UNC13B: variants seen among roughly 807,000 people sequenced by gnomAD.
UNC13B encodes protein unc-13 homolog B.
Under a neutral mutation model 211.0 loss-of-function variants are expected in UNC13B, and 144 were observed. The ratio of observed to expected loss-of-function variants is 0.68; its 90% confidence interval spans 0.60 to 0.78. The LOEUF (loss-of-function observed/expected upper bound fraction) is 0.78. UNC13B is among the 30% of genes least tolerant of loss of function. The probability of loss-of-function intolerance (pLI) is 0.00; values close to 1 mark genes in which losing one functional copy is unlikely to be tolerated. For synonymous variants in UNC13B, 709 were observed against 725.8 expected, an observed-to-expected ratio of 0.98 and a Z score of 0.37; for missense variants, 1,777 against 2,002.0, an observed-to-expected ratio of 0.89 and a Z score of 2.14.
chr9:35,185,993 TC>T (rs1002446447), intron 1 of UNC13B, among the ~76,000 whole-genome samples: 1 of 149,430 alleles, frequency 6.7e-6, no homozygotes, highest in African/African-American at 2.5e-5. Flanking sequence ...TGAATGGACC[TC>T]CCCCCTTGGC....
chr9:35,254,929 ATAATATATAT>A (rs1826739995), intron 6 of UNC13B, among the ~76,000 whole-genome samples: 1 of 124,052 alleles, frequency 8.1e-6, no homozygotes, highest in South Asian at 2.2e-4. Flanking sequence ...CATATATAAT[ATAATATATAT>A]TAATATATGT....
intron 11 of UNC13B, among the ~76,000 whole-genome samples, chr9:35,337,848 G>A (rs901636252): frequency 6.6e-6 from 1 of 152,186 alleles, no homozygotes; most frequent in South Asian, 2.1e-4. Context: ...CTTAGAACAA[G>A]CCATAAAGAA....
chr9:35,357,581 T>G (rs1304218982), intron 11 of UNC13B, among the ~76,000 whole-genome samples: 2 of 150,732 alleles, frequency 1.3e-5, no homozygotes, highest in South Asian at 2.1e-4. Context: ...TTTTATTGTT[T>G]TTTTTTTTTT....
At chr9:35,366,425 A>C (rs1341204032) in intron 11 of UNC13B, among the ~76,000 whole-genome samples, 2 of 152,148 alleles carry the variant, frequency 1.3e-5, no homozygotes, top group Non-Finnish European at 2.9e-5. Context: ...AAATAGAGAG[A>C]ATATACTTAG....
intron 7 of UNC13B, among the ~76,000 whole-genome samples, chr9:35,278,894 A>G (rs1225122749): frequency 6.6e-6 from 1 of 152,154 alleles, no homozygotes; most frequent in Non-Finnish European, 1.5e-5. Flanking sequence ...GAAAGAGTTT[A>G]TGCATTCACA....
chr9:35,317,922 G>A (rs1587608907), intron 11 of UNC13B, among the ~76,000 whole-genome samples: 1 of 151,984 alleles, frequency 6.6e-6, no homozygotes, highest in African/African-American at 2.4e-5. Context: ...AAAAGTAAGG[G>A]TCTTGTAATT....
At chr9:35,265,948 C>G (rs1172293153) in intron 7 of UNC13B, among the ~76,000 whole-genome samples, 2 of 152,158 alleles carry the variant, frequency 1.3e-5, no homozygotes, top group East Asian at 3.9e-4. Flanking sequence ...GCCTCAGCCT[C>G]CGAGTAGCTG....
At chr9:35,363,845 T>TG (rs1213423901) in intron 11 of UNC13B, among the ~76,000 whole-genome samples, 1 of 152,208 alleles carries the variant, frequency 6.6e-6, no homozygotes, top group East Asian at 1.9e-4. Flanking sequence ...GTCCTGGGTT[T>TG]GATAAATAAT....
intron 8 of UNC13B, among the ~76,000 whole-genome samples, chr9:35,296,442 TAAAG>T (rs1416852207): frequency 1.3e-5 from 2 of 152,234 alleles, no homozygotes; most frequent in Non-Finnish European, 2.9e-5. Context: ...CAATACAGCA[TAAAG>T]AGTTTCCCAC....
Position 35,366,987 on chromosome 9 carries a change from C to T in UNC13B, c.9455C>T (p.Pro3152Leu), listed in dbSNP as rs1486408597. Residue 3152 changes from proline to leucine, a missense_variant, in exon 12 of 40, where the codon CCG becomes CTG. By Grantham distance (98) the Pro-to-Leu change is moderately conservative. Coordinates refer to ENST00000635942, the MANE Select transcript of UNC13B (RefSeq NM_001371189.2). ...GACCCCTCTCTGCCTCAGTGGCTCCCGGAAGGGTAAGTAATTCACTGCAAG... is the reference window on the plus strand; with the variant it reads ...GACCCCTCTCTGCCTCAGTGGCTCCTGGAAGGGTAAGTAATTCACTGCAAG... ...DGDPSLPQWL[P>L]EGPAGGLYGI... 35 of 1,613,540 alleles carry T rather than the reference C, an allele frequency of 2.2e-5. No homozygotes were observed. Among genetic ancestry groups the T allele is most frequent in the Admixed American group, 3.3e-5 (2 of 59,994 alleles).
At chr9:35,365,377 ATGT>A (rs906516145) in intron 11 of UNC13B, among the ~76,000 whole-genome samples, 3 of 152,156 alleles carry the variant, frequency 2.0e-5, no homozygotes, top group Non-Finnish European at 2.9e-5. Flanking sequence ...TTTTGCAGAC[ATGT>A]TGTTATCCCT....
rs189587397 is a variant in UNC13B at position 35,300,740 on chromosome 9, T to G, written c.1336T>G (p.Ser446Ala). 2.0e-5 allele frequency: 8 copies of G among 398,946 alleles called. No individual in the cohort carries two copies. The Admixed American group carries it at 3.5e-4, about 18-fold the overall frequency. 24.7% of individuals were successfully genotyped at this position (398,946 alleles called of 1,614,324 possible). The stretch of plus-strand genomic sequence containing the variant: ...GTGCTCTATAGAAGAGATAACCCCT[T>G]CCTCTATTGAGGAGCCCAAGGAGGA... ...SECSIEEITP[S>A]SIEEPKEDRI... Residue 446 changes from serine (S) to alanine (A), a missense_variant, in exon 9 of 40, where the codon TCC becomes GCC. Ser to Ala is a moderately conservative substitution (Grantham distance 99). Transcript: ENST00000635942.
intron 1 of UNC13B, among the ~76,000 whole-genome samples, chr9:35,174,742 G>T (rs867210389): frequency 1.3e-5 from 2 of 152,098 alleles, no homozygotes; most frequent in African/African-American, 4.8e-5. Flanking sequence ...GTAGAGACGG[G>T]GTTCCACTGT....
At chr9:35,256,385 A>C (rs1411953721) in intron 6 of UNC13B, among the ~76,000 whole-genome samples, 1 of 152,056 alleles carries the variant, frequency 6.6e-6, no homozygotes, top group African/African-American at 2.4e-5. Context: ...ATAATTTTTA[A>C]CATTGTAAGA....
At chr9:35,261,300 A>G (rs559152279) in intron 7 of UNC13B, among the ~76,000 whole-genome samples, 2 of 152,276 alleles carry the variant, frequency 1.3e-5, no homozygotes, top group East Asian at 3.9e-4. Context: ...GCTATAACAC[A>G]TCAGCGTGTT....
chr9:35,199,082 A>T (rs1823113973), intron 1 of UNC13B, among the ~76,000 whole-genome samples: 1 of 152,204 alleles, frequency 6.6e-6, no homozygotes. Context: ...TATGAGTGAG[A>T]ACATGCGGTG....
In UNC13B at chr9:35,243,212, CAGAGT is replaced by C. The variant is rs1223682040; in HGVS notation, c.395-77_395-73del. 7.2e-6 allele frequency: 10 copies of C among 1,395,920 alleles called. No individual in the cohort carries two copies. In the Admixed American group the frequency reaches 8.5e-5, roughly 12 times the overall value. 86.5% of individuals were successfully genotyped at this position (1,395,920 alleles called of 1,614,324 possible). ...CCACCTTCTGACTTCAGTCATTAGACAGAGTAAAGTGTTATCTGCTGATGATTTAT... is the reference window on the plus strand; with the variant it reads ...CCACCTTCTGACTTCAGTCATTAGACAAAGTGTTATCTGCTGATGATTTAT... On this transcript the variant is annotated intron_variant, in intron 5 of 39. Coordinates refer to ENST00000635942, the MANE Select transcript of UNC13B (RefSeq NM_001371189.2).
At chr9:35,370,466 G>C in intron 13 of UNC13B, 70 bp downstream of exon 13, 2 of 1,454,636 alleles carry the variant, frequency 1.4e-6, no homozygotes, top group Non-Finnish European at 1.9e-6. Flanking sequence ...TTGGCAAGCT[G>C]TCAGGATTGG....
chr9:35,339,857 G>A (rs1230887028), intron 11 of UNC13B, among the ~76,000 whole-genome samples: 1 of 152,220 alleles, frequency 6.6e-6, no homozygotes, highest in East Asian at 1.9e-4. Flanking sequence ...GGGCCACTTT[G>A]TCAATTAGGC....
Sources: gnomAD v4.1 joint callset for allele counts (sites outside exome capture counted in the v4.1 genomes callset) on GRCh38, gnomAD v4.1.1 for gene constraint, MANE v1.5 for transcripts, NCBI Gene and HGNC (gene_info 2026-07-23, HGNC 2026-07-21) for gene names.